BICD1: variants seen among roughly 807,000 people sequenced by gnomAD.
BICD1 encodes BICD cargo adaptor 1, also known as protein bicaudal D homolog 1.
Under a neutral mutation model 92.5 loss-of-function variants are expected in BICD1, and 35 were observed. The ratio of observed to expected loss-of-function variants is 0.38; its 90% CI spans 0.29 to 0.50. The LOEUF is 0.50. Among genes scored for constraint, BICD1 ranks in the 20% least tolerant of loss-of-function variants. The pLI is 0.93. For missense variants in BICD1, 950 were observed against 1,189.8 expected (o/e 0.80, Z 2.97); for synonymous variants, 429 against 465.1 (o/e 0.92, Z 1.00).
chr12:32,189,313 GT>G (rs1944502525), intron 1 of BICD1, among the ~76,000 whole-genome samples: 1 of 152,192 alleles, frequency 6.6e-6, no homozygotes, highest in African/African-American at 2.4e-5. Flanking sequence ...ATCAGACAAT[GT>G]GCAGACAACC....
chr12:32,332,844 A>G (rs1311231902), intron 5 of BICD1: 2 of 984,544 alleles, frequency 2.0e-6, no homozygotes, highest in Non-Finnish European at 2.4e-6. Context: ...ACAAAGGCCT[A>G]TGTGGCTGGA....
chr12:32,309,025 T>A lies in BICD1; in HGVS notation c.1005+2903T>A, dbSNP rs572002895. 2.0e-5 allele frequency among the ~76,000 whole-genome samples: 3 copies of A among 152,288 alleles called. No homozygotes were observed. In the South Asian group the frequency reaches 6.2e-4, roughly 32 times the overall value. On this transcript the variant is annotated intron_variant, in intron 4 of 9. Transcript: ENST00000652176. ...GTAATCAGCGTTTTTAAAAAGCATG[T>A]CAGCTTTTCCTAAGAATATATTTTA...
rs1943867736 is a variant in BICD1 at position 32,169,409 on chromosome 12, A to T, written c.214-46838A>T. ...GAGGGGAGAGAGTGAAAGGAAGGGA[A>T]GAAGCAGCTTGGCCTGGACCCATTT... is the stretch of plus-strand genomic sequence containing the variant. On this transcript the variant is annotated intron_variant, in intron 1 of 9. Transcript: ENST00000652176. Among the ~76,000 whole-genome samples, 5 of 152,198 alleles carry T rather than the reference A, an allele frequency of 3.3e-5. No individual in the cohort carries two copies. The South Asian group carries it at 1.0e-3, about 32-fold the overall frequency.
intron 1 of BICD1, among the ~76,000 whole-genome samples, chr12:32,188,570 G>A (rs1944482415): frequency 6.6e-6 from 1 of 152,170 alleles, no homozygotes; most frequent in Non-Finnish European, 1.5e-5. Flanking sequence ...CAACATTTAA[G>A]AGCTACTTAT....
At chr12:32,112,703 T>G (rs750581793) in intron 1 of BICD1, among the ~76,000 whole-genome samples, 1 of 152,090 alleles carries the variant, frequency 6.6e-6, no homozygotes, top group Non-Finnish European at 1.5e-5. Context: ...TGGCAGGAGA[T>G]GCAATTGTGA....
intron 2 of BICD1, among the ~76,000 whole-genome samples, chr12:32,254,098 A>G (rs555958512): frequency 1.7e-4 from 24 of 141,772 alleles, no homozygotes; most frequent in African/African-American, 6.5e-4. Context: ...ATTCCACGTC[A>G]TATTCACTGC....
chr12:32,245,776 A>T (rs1289743215), intron 2 of BICD1, among the ~76,000 whole-genome samples: 1 of 152,140 alleles, frequency 6.6e-6, no homozygotes, highest in Non-Finnish European at 1.5e-5. Context: ...CATGCCTGTA[A>T]TCCCACACTT....
intron 2 of BICD1, among the ~76,000 whole-genome samples, chr12:32,234,469 T>C (rs113132392): frequency 0.12 from 18,031 of 151,632 alleles, 1,717 homozygotes; most frequent in African/African-American, 0.26. Flanking sequence ...TGGTGGCTCA[T>C]GCCTGTAATC....
chr12:32,193,007 A>G (rs1407238902), intron 1 of BICD1, among the ~76,000 whole-genome samples: 2 of 152,250 alleles, frequency 1.3e-5, no homozygotes, highest in Non-Finnish European at 2.9e-5. Flanking sequence ...TTGAAGTGAC[A>G]ACAAAAGATG....
rs537723092 is a variant in BICD1 at position 32,302,907 on chromosome 12, G to T, written c.580-2790G>T. On this transcript the variant is annotated intron_variant, in intron 3 of 9. Transcript: ENST00000652176. ...TTTTTTTTTTTTTTTTGCCTTAGAG[G>T]CATCTTTTGTACATAATGTATTTCT... Among the ~76,000 whole-genome samples the T allele has an allele frequency of 2.3e-5, 3 of 132,028 alleles. No homozygotes were observed. The East Asian group carries it at 6.6e-4, about 29-fold the overall frequency. The allele number at this position is 132,028 out of a possible 152,430, so 86.6% of individuals were successfully genotyped here.
At chr12:32,287,131 A>C (rs554296806) in intron 2 of BICD1, among the ~76,000 whole-genome samples, 1 of 152,266 alleles carries the variant, frequency 6.6e-6, no homozygotes, top group South Asian at 2.1e-4. Flanking sequence ...GAGTCTGTGG[A>C]TAGATTTCAG....
At chr12:32,228,059 AT>A in intron 2 of BICD1, 1 of 247,580 alleles carries the variant, frequency 4.0e-6, no homozygotes. Flanking sequence ...TCTTCTTGTC[AT>A]TGAATGTAAG....
intron 1 of BICD1, among the ~76,000 whole-genome samples, chr12:32,205,550 C>G (rs147246681): frequency 2.0e-5 from 3 of 151,088 alleles, no homozygotes; most frequent in African/African-American, 7.3e-5. Context: ...AATCTTTTGT[C>G]TTCTGATTAA....
intron 4 of BICD1, among the ~76,000 whole-genome samples, chr12:32,326,286 G>A (rs1342008279): frequency 6.6e-6 from 1 of 151,740 alleles, no homozygotes; most frequent in Admixed American, 6.6e-5. Context: ...ATATTATTTG[G>A]TTATTGAGAA....
Position 32,326,080 on chromosome 12 carries a change from C to CAA in BICD1, c.1006-1361_1006-1360dup, listed in dbSNP as rs372956491. On this transcript the variant is annotated intron_variant, in intron 4 of 9. Coordinates refer to ENST00000652176, the MANE Select transcript of BICD1 (RefSeq NM_001714.4). The stretch of plus-strand genomic sequence containing the variant: ...CCTGGGAGAGAGTGAGACTCCATCT[C>CAA]AAAAAAAAAAAAAAAAAAAAAGAAA... 5.5e-3 allele frequency among the ~76,000 whole-genome samples: 358 copies of CAA among 65,674 alleles called. 9 individuals are homozygous for CAA. Among genetic ancestry groups the CAA allele is most frequent in the African/African-American group, 0.011 (181 of 15,866 alleles). The allele number at this position is 65,674 out of a possible 152,430, so 43.1% of individuals were successfully genotyped here.
At chr12:32,194,711 A>T (rs1439998625) in intron 1 of BICD1, among the ~76,000 whole-genome samples, 1 of 151,838 alleles carries the variant, frequency 6.6e-6, no homozygotes, top group Non-Finnish European at 1.5e-5. Flanking sequence ...GAGAAACCCC[A>T]TCTCTACTAA....
chr12:32,333,792 A>C (rs988273022), intron 5 of BICD1, among the ~76,000 whole-genome samples: 2 of 152,218 alleles, frequency 1.3e-5, no homozygotes, highest in Non-Finnish European at 2.9e-5. Flanking sequence ...GATTTGAAAC[A>C]CTATTAATTC....
At chr12:32,275,961 G>A (rs996533899) in intron 2 of BICD1, among the ~76,000 whole-genome samples, 8 of 152,048 alleles carry the variant, frequency 5.3e-5, no homozygotes, top group Non-Finnish European at 7.4e-5. Flanking sequence ...CAGAGAACAC[G>A]AGGCTTGCCA....
chr12:32,369,737 C>CA (rs1240115071), intron 9 of BICD1, among the ~76,000 whole-genome samples: 3 of 130,690 alleles, frequency 2.3e-5, no homozygotes, highest in Admixed American at 7.3e-5. Flanking sequence ...CGACCTCTAC[C>CA]AAATTTTTTT....
Sources: gnomAD v4.1 joint callset for allele counts (sites outside exome capture counted in the v4.1 genomes callset) on GRCh38, gnomAD v4.1.1 for gene constraint, MANE v1.5 for transcripts, NCBI Gene and HGNC (gene_info 2026-07-23, HGNC 2026-07-21) for gene names.